The following FAM135A variants were observed in gnomAD, a reference collection of about 807,000 sequenced individuals.
FAM135A encodes family with sequence similarity 135 member A.
FAM135A carries 79 observed loss-of-function variants against 146.8 expected under a neutral mutation model. The ratio of observed to expected loss-of-function variants is 0.54; its 90% CI spans 0.45 to 0.65. The LOEUF (loss-of-function observed/expected upper bound fraction) is 0.65, where lower values mean the gene tolerates loss of function less well. Among genes scored for constraint, FAM135A ranks in the 30% least tolerant of loss-of-function variants. The pLI, the probability that FAM135A is intolerant of heterozygous loss-of-function variation, is 0.00. For synonymous variants in FAM135A, 562 were observed against 603.6 expected (o/e 0.93, Z 1.01); for missense variants, 1,623 against 1,758.2 (o/e 0.92, Z 1.38).
Position 70,559,965 on chromosome 6 carries a change from A to G in FAM135A, c.*44A>G, listed in dbSNP as rs762162888. 4.9e-6 allele frequency: 7 copies of G among 1,421,102 alleles called. No individual in the cohort carries two copies. The highest frequency in any genetic ancestry group is 4.7e-5 in the East Asian group (2 of 42,462). 88.0% of individuals were successfully genotyped at this position (1,421,102 alleles called of 1,614,324 possible). A position where few individuals can be genotyped will look rare whatever the true frequency, so the allele number is the denominator to read the frequency against. On this transcript the variant is annotated 3_prime_UTR_variant, in exon 22 of 22. Transcript: ENST00000418814. ...GACTGGACAATTACCTCATTCAACA[A>G]TGTTTCAAATAATGTATTATATTAA...
At chr6:70,515,788 T>C (rs1387692383) in intron 12 of FAM135A, among the ~76,000 whole-genome samples, 2 of 152,086 alleles carry the variant, frequency 1.3e-5, no homozygotes, top group East Asian at 3.9e-4. Flanking sequence ...GGTTCATCAG[T>C]TGAAACAAAT....
At chr6:70,534,855 A>T (rs1449469677) in intron 18 of FAM135A, among the ~76,000 whole-genome samples, 2 of 152,204 alleles carry the variant, frequency 1.3e-5, no homozygotes, top group South Asian at 2.1e-4. Flanking sequence ...AGTATAGGGA[A>T]TAAGAAGAGA....
At chr6:70,442,946 T>C (rs1774892750) in intron 4 of FAM135A, among the ~76,000 whole-genome samples, 1 of 152,242 alleles carries the variant, frequency 6.6e-6, no homozygotes, top group African/African-American at 2.4e-5. Flanking sequence ...TTTTATCTTA[T>C]ATTTTCCCAT....
At chr6:70,415,694 A>G (rs936054558) in intron 2 of FAM135A, among the ~76,000 whole-genome samples, 12 of 152,282 alleles carry the variant, frequency 7.9e-5, no homozygotes, top group Admixed American at 3.9e-4. Context: ...GTAAATGCCT[A>G]CAAATTCTTG....
chr6:70,527,142 T>C (rs920739885), intron 15 of FAM135A, among the ~76,000 whole-genome samples: 1 of 152,044 alleles, frequency 6.6e-6, no homozygotes, highest in Non-Finnish European at 1.5e-5. Flanking sequence ...AGGATAATAT[T>C]AGTTAAATGA....
At chr6:70,541,632 A>G (rs943504528) in intron 20 of FAM135A, among the ~76,000 whole-genome samples, 9 of 151,920 alleles carry the variant, frequency 5.9e-5, no homozygotes, top group African/African-American at 1.9e-4. Context: ...TTCCATATCC[A>G]TCTTTACCAT....
intron 20 of FAM135A, among the ~76,000 whole-genome samples, chr6:70,539,946 C>T (rs527812907): frequency 5.9e-5 from 9 of 152,106 alleles, no homozygotes; most frequent in Admixed American, 1.3e-4. Context: ...CAGTGAGCCG[C>T]GATCATGCCA....
At chr6:70,526,964 G>T (rs1794880550) in intron 15 of FAM135A, among the ~76,000 whole-genome samples, 1 of 151,978 alleles carries the variant, frequency 6.6e-6, no homozygotes, top group South Asian at 2.1e-4. Context: ...TGATCGTGCT[G>T]TTCTGCTGTT....
At chr6:70,499,089 A>C (rs1247327169) in intron 11 of FAM135A, among the ~76,000 whole-genome samples, 1 of 152,148 alleles carries the variant, frequency 6.6e-6, no homozygotes, top group East Asian at 1.9e-4. Flanking sequence ...AAAGACTCCT[A>C]CTATTATTGT....
At chr6:70,474,712 G>A (rs895061035) in intron 5 of FAM135A, among the ~76,000 whole-genome samples, 1 of 152,150 alleles carries the variant, frequency 6.6e-6, no homozygotes, top group African/African-American at 2.4e-5. Flanking sequence ...CATCCAGTAT[G>A]TGATGATATG....
chr6:70,451,092 G>T (rs1361011770), intron 4 of FAM135A, among the ~76,000 whole-genome samples: 3 of 151,816 alleles, frequency 2.0e-5, no homozygotes, highest in African/African-American at 2.4e-5. Flanking sequence ...AGTATTTTGT[G>T]GTCCCATACA....
intron 18 of FAM135A, among the ~76,000 whole-genome samples, chr6:70,534,849 T>C (rs1384357021): frequency 6.6e-6 from 1 of 152,130 alleles, no homozygotes; most frequent in African/African-American, 2.4e-5. Context: ...ACTCGAAGTA[T>C]AGGGAATAAG....
chr6:70,502,501 C>T lies in FAM135A; in HGVS notation c.874-135C>T, dbSNP rs570607309. On this transcript the variant is annotated intron_variant, in intron 11 of 21. Coordinates refer to ENST00000418814, the MANE Select transcript of FAM135A (RefSeq NM_001162529.3). ...ATTGGTCTTTGTCTCTACACATGTG[C>T]ATGCACATACAAATGCACATCTCTT... 90 of 740,802 alleles carry T rather than the reference C, an allele frequency of 1.2e-4. 1 individual carries two copies. The highest frequency in any genetic ancestry group is 3.7e-4 in the Admixed American group (13 of 34,852). The allele number at this position is 740,802 out of a possible 1,614,324, so 45.9% of individuals were successfully genotyped here.
chr6:70,555,435 T>C (rs1383220160), intron 20 of FAM135A, among the ~76,000 whole-genome samples: 10 of 152,036 alleles, frequency 6.6e-5, no homozygotes, highest in Non-Finnish European at 5.9e-5. Flanking sequence ...CTAATTTTCG[T>C]AGAGACAGGA....
chr6:70,548,113 C>T (rs1441947706), intron 20 of FAM135A, among the ~76,000 whole-genome samples: 6 of 152,162 alleles, frequency 3.9e-5, no homozygotes, highest in Non-Finnish European at 8.8e-5. Context: ...GTAATTCCTA[C>T]CAGCACTGCT....
chr6:70,487,901 T>A (rs186886201), intron 10 of FAM135A, among the ~76,000 whole-genome samples: 161 of 152,286 alleles, frequency 1.1e-3, no homozygotes, highest in African/African-American at 3.7e-3. Flanking sequence ...TACTTAATTT[T>A]CAAAACTAAA....
intron 5 of FAM135A, among the ~76,000 whole-genome samples, chr6:70,471,819 G>A (rs781327477): frequency 1.3e-5 from 2 of 152,174 alleles, no homozygotes; most frequent in South Asian, 4.1e-4. Flanking sequence ...GTGAGGAGCT[G>A]AGGAGGGTTA....
rs746279026 is a variant in FAM135A, at chr6:70,526,610, G to T, written c.3526G>T (p.Ala1176Ser). ...ATATTCTTCCAAAAGTAAATTTGAT[G>T]CCATTACAAAGCAGCCAAGCAGTAC... The part of the protein sequence containing the change: ...VKYSSKSKFD[A>S]ITKQPSSTSY... Residue 1176 changes from alanine (A) to serine (S), a missense_variant, in exon 15 of 22, where the codon GCC becomes TCC. By Grantham distance (99) the Ala-to-Ser change is moderately conservative. Coordinates refer to ENST00000418814, the MANE Select transcript of FAM135A (RefSeq NM_001162529.3). 47 of 1,613,244 alleles carry T rather than the reference G, an allele frequency of 2.9e-5. No homozygotes were observed. The East Asian group carries it at 1.0e-3, about 36-fold the overall frequency.
intron 20 of FAM135A, among the ~76,000 whole-genome samples, chr6:70,542,194 G>C (rs1798044354): frequency 6.6e-6 from 1 of 151,610 alleles, no homozygotes; most frequent in Admixed American, 6.6e-5. Flanking sequence ...CCATGGATAA[G>C]AGCATCAAGT....
Sources: gnomAD v4.1 joint callset for allele counts (sites outside exome capture counted in the v4.1 genomes callset) on GRCh38, gnomAD v4.1.1 for gene constraint, MANE v1.5 for transcripts, NCBI Gene and HGNC (gene_info 2026-07-23, HGNC 2026-07-21) for gene names.